The following PRKAA2 variants were observed in gnomAD, a reference collection of about 807,000 sequenced individuals.
PRKAA2 encodes the protein 5'-AMP-activated protein kinase catalytic subunit alpha-2.
PRKAA2 carries 40 observed loss-of-function variants against 56.3 expected under a neutral mutation model. That is an observed-to-expected ratio of 0.71 (90% CI 0.55 to 0.92). PRKAA2 has a LOEUF of 0.92. Ranked by LOEUF, PRKAA2 falls within the 40% of genes least tolerant of loss-of-function variation. The probability of loss-of-function intolerance (pLI) is 0.00; values close to 1 mark genes in which losing one functional copy is unlikely to be tolerated. For synonymous variants in PRKAA2, 214 were observed against 234.2 expected (o/e 0.91, Z 0.79); for missense variants, 542 against 686.9 (o/e 0.79, Z 2.36).
intron 2 of PRKAA2, among the ~76,000 whole-genome samples, chr1:56,684,406 C>T (rs1032302394): frequency 4.6e-5 from 7 of 151,982 alleles, no homozygotes; most frequent in African/African-American, 1.7e-4. Context: ...AGCAGACAGA[C>T]TGTATTTAAG....
intron 4 of PRKAA2, among the ~76,000 whole-genome samples, chr1:56,692,848 A>G (rs1042172479): frequency 2.0e-5 from 3 of 150,108 alleles, no homozygotes; most frequent in Non-Finnish European, 4.4e-5. Flanking sequence ...AAATCTCATG[A>G]AAGTATGGGC....
intron 1 of PRKAA2, among the ~76,000 whole-genome samples, chr1:56,668,957 G>A (rs558364213): frequency 6.6e-6 from 1 of 152,150 alleles, no homozygotes; most frequent in Non-Finnish European, 1.5e-5. Context: ...AGTGGCAACC[G>A]AAATCGTCAA....
rs755984518 is a variant in PRKAA2, at chr1:56,645,462, C to T, written c.75C>T (p.Gly25=). 1 of 1,500,350 alleles carries T rather than the reference C, an allele frequency of 6.7e-7. No individual in the cohort carries two copies. The highest frequency in any genetic ancestry group is 8.9e-7 in the Non-Finnish European group (1 of 1,118,038). 92.9% of individuals were successfully genotyped at this position (1,500,350 alleles called of 1,614,324 possible). The change falls in exon 1 of 9, where the codon GGC becomes GGT. Residue 25 remains glycine, a synonymous_variant. Coordinates refer to ENST00000371244, the MANE Select transcript of PRKAA2 (RefSeq NM_006252.4). ...HYVLGDTLGV[G]TFGKVKIGEH... ...TGCTGGGCGACACGCTGGGCGTCGG[C>T]ACCTTCGGCAAAGTGAAGAGTTGAG...
At chr1:56,672,564 T>G (rs11804779) in intron 1 of PRKAA2, among the ~76,000 whole-genome samples, 63,562 of 151,972 alleles carry the variant, frequency 0.42, 13,813 homozygotes, top group Middle Eastern at 0.53. Context: ...AGGGTCTACC[T>G]TGGGCCTAGG....
chr1:56,667,598 T>A (rs1224770863), intron 1 of PRKAA2, among the ~76,000 whole-genome samples: 2 of 152,166 alleles, frequency 1.3e-5, no homozygotes, highest in Non-Finnish European at 2.9e-5. Context: ...TAAATACTGA[T>A]TTTGTCCATT....
chr1:56,674,529 AT>A lies in PRKAA2; in HGVS notation c.236+12del. On this transcript the variant is annotated splice_region_variant and intron_variant, in intron 2 of 8. Coordinates refer to ENST00000371244, the MANE Select transcript of PRKAA2 (RefSeq NM_006252.4). ...ATCCTCATATTATCAAACTGTAAGT[AT>A]TTTTGTATCTAATAATACCAAAGAG... 2.0e-6 allele frequency: 3 copies of A among 1,484,590 alleles called. No homozygotes were observed. The highest frequency in any genetic ancestry group is 1.3e-5 in the South Asian group (1 of 75,396). 92.0% of individuals were successfully genotyped at this position (1,484,590 alleles called of 1,614,324 possible).
At position 56,653,463 on chromosome 1, in the gene PRKAA2, T is replaced by C. The variant is rs971049705; in HGVS notation, c.94+7982T>C. Reference sequence around the variant, plus strand: ...TAGTATAAATACTCTCTGTAGTATGTTGAACTTAGAAGACCTGGTGTGGAA... The same window carrying C: ...TAGTATAAATACTCTCTGTAGTATGCTGAACTTAGAAGACCTGGTGTGGAA... On this transcript the variant is annotated intron_variant, in intron 1 of 8. Transcript: ENST00000371244. 3.3e-5 allele frequency among the ~76,000 whole-genome samples: 5 copies of C among 152,222 alleles called. No homozygotes were observed. In the South Asian group the frequency reaches 6.2e-4, roughly 19 times the overall value.
In PRKAA2 at chr1:56,714,404, T is replaced by A. The variant is rs1465757706; in HGVS notation, c.*6691T>A. ...ACAGGGTTTATATCCCCACATTCAA[T>A]GTAAATTCCTTTTTTTAAAAAAAAT... On this transcript the variant is annotated 3_prime_UTR_variant, in exon 9 of 9. Coordinates refer to ENST00000371244, the MANE Select transcript of PRKAA2 (RefSeq NM_006252.4). 1.3e-5 allele frequency: 2 copies of A among 152,148 alleles called. No homozygotes were observed. The highest frequency in any genetic ancestry group is 2.9e-5 in the Non-Finnish European group (2 of 68,012). 9.4% of individuals were successfully genotyped at this position (152,148 alleles called of 1,614,324 possible). A position where few individuals can be genotyped will look rare whatever the true frequency, so the allele number is the denominator to read the frequency against.
At chr1:56,645,800 C>G (rs1646635814) in intron 1 of PRKAA2, among the ~76,000 whole-genome samples, 2 of 152,168 alleles carry the variant, frequency 1.3e-5, no homozygotes, top group South Asian at 4.1e-4. Context: ...CAGTGTCCTC[C>G]TCTGCAAAAT....
At position 56,714,742 on chromosome 1, in the gene PRKAA2, T is replaced by C. The variant is rs991712082; in HGVS notation, c.*7029T>C. ...AGTATCTTTATTGTTTTAGGAAGAA[T>C]GGTTGTGTTCTTTGTCATGTATGCT... is the stretch of plus-strand genomic sequence containing the variant. On this transcript the variant is annotated 3_prime_UTR_variant, in exon 9 of 9. Coordinates refer to ENST00000371244, the MANE Select transcript of PRKAA2 (RefSeq NM_006252.4). The C allele has an allele frequency of 6.6e-6, 1 of 152,186 alleles. No individual in the cohort carries two copies. The highest frequency in any genetic ancestry group is 1.5e-5 in the Non-Finnish European group (1 of 68,014). 9.4% of individuals were successfully genotyped at this position (152,186 alleles called of 1,614,324 possible).
chr1:56,682,424 A>G (rs1003922781), intron 2 of PRKAA2, among the ~76,000 whole-genome samples: 1 of 152,126 alleles, frequency 6.6e-6, no homozygotes, highest in African/African-American at 2.4e-5. Context: ...AAATCTGGGG[A>G]CAGAATGTTT....
intron 2 of PRKAA2, among the ~76,000 whole-genome samples, chr1:56,677,575 A>T (rs1403630363): frequency 6.6e-6 from 1 of 152,108 alleles, no homozygotes; most frequent in East Asian, 1.9e-4. Context: ...TACAGTTCCC[A>T]GTTCCTAAAA....
chr1:56,696,021 A>T lies in PRKAA2; in HGVS notation c.650A>T (p.Glu217Val), dbSNP rs151323778. 1.9e-4 allele frequency: 310 copies of T among 1,612,020 alleles called. No individual in the cohort carries two copies. Among genetic ancestry groups the T allele is most frequent in the Non-Finnish European group, 2.5e-4 (291 of 1,179,652 alleles). Residue 217 changes from glutamate (E) to valine (V), a missense_variant, in exon 6 of 9, where the codon GAG becomes GTG. This residue lies in a region of PRKAA2 where 198 missense variants were observed against 234.0 expected (regional missense o/e 0.85). Coordinates refer to ENST00000371244, the MANE Select transcript of PRKAA2 (RefSeq NM_006252.4). ...TGTGGCACCCTCCCATTTGATGATG[A>T]GCATGTACCTACGTTATTTAAGAAG... ...LLCGTLPFDDEHVPTLFKKIR... is the reference protein window; with the variant it reads ...LLCGTLPFDDVHVPTLFKKIR...
chr1:56,673,701 A>G (rs1464023735), intron 1 of PRKAA2, among the ~76,000 whole-genome samples: 2 of 152,242 alleles, frequency 1.3e-5, no homozygotes, highest in Non-Finnish European at 2.9e-5. Context: ...GTGCGCATAT[A>G]CTTCCTGAGA....
chr1:56,665,587 T>C (rs1644029457), intron 1 of PRKAA2, among the ~76,000 whole-genome samples: 3 of 152,232 alleles, frequency 2.0e-5, no homozygotes, highest in African/African-American at 7.2e-5. Flanking sequence ...TGTTCAGTTT[T>C]AGTAGTTACC....
intron 3 of PRKAA2, among the ~76,000 whole-genome samples, chr1:56,692,028 ATTTT>A (rs397863487): frequency 3.5e-4 from 40 of 112,808 alleles, no homozygotes; most frequent in African/African-American, 1.3e-3. Context: ...GATGTCTCAG[ATTTT>A]TTTTTTTTTT....
At chr1:56,677,148 A>G (rs2100407949) in intron 2 of PRKAA2, among the ~76,000 whole-genome samples, 1 of 152,294 alleles carries the variant, frequency 6.6e-6, no homozygotes. Context: ...GGGACACCTC[A>G]TTTGAGGATT....
At chr1:56,654,642 C>T (rs1015191068) in intron 1 of PRKAA2, among the ~76,000 whole-genome samples, 2 of 152,024 alleles carry the variant, frequency 1.3e-5, no homozygotes, top group South Asian at 2.1e-4. Flanking sequence ...GATTGAAATG[C>T]GTATGAAAAG....
At chr1:56,706,255 A>G in intron 8 of PRKAA2, 37 bp downstream of exon 8, 1 of 1,594,992 alleles carries the variant, frequency 6.3e-7, no homozygotes, top group Non-Finnish European at 8.5e-7. Context: ...CTGAGAAGAT[A>G]AAACTTGGCA....
Sources: allele counts gnomAD v4.1 joint callset (sites outside exome capture counted in the v4.1 genomes callset), GRCh38; gene constraint gnomAD v4.1.1; regional missense constraint gnomAD v4.1.1; transcripts MANE v1.5; gene names NCBI Gene and HGNC (gene_info 2026-07-23, HGNC 2026-07-21).